The following BABAM2 variants were observed in gnomAD, a reference collection of about 807,000 sequenced individuals.
BABAM2 encodes BRISC and BRCA1 A complex member 2, also known as BRISC and BRCA1-A complex member 2.
In BABAM2, 31 loss-of-function variants were observed where a neutral mutation model predicts 54.7. The observed-to-expected ratio is 0.57, with a 90% confidence interval of 0.43 to 0.77. The LOEUF is 0.77. Ranked by LOEUF, BABAM2 falls within the 30% of genes least tolerant of loss-of-function variation. The probability of loss-of-function intolerance (pLI) is 0.00; values close to 1 mark genes in which losing one functional copy is unlikely to be tolerated. For missense variants in BABAM2, 364 were observed against 455.8 expected (o/e 0.80, Z 1.83); for synonymous variants, 167 against 162.9 (o/e 1.03, Z -0.19).
In BABAM2 at chr2:28,304,005, T is replaced by C. The variant is rs893323117; in HGVS notation, c.1088+5514T>C. 6.6e-6 allele frequency among the ~76,000 whole-genome samples: 1 copy of C among 152,128 alleles called. No individual in the cohort carries two copies. The highest frequency in any genetic ancestry group is 2.4e-5 in the African/African-American group (1 of 41,428). ...AAAAGATTCTTGTGCCTCAGCCTCC[T>C]GAGTACCCAGGACTACAGACGTGTG... On this transcript the variant is annotated intron_variant, in intron 11 of 11. Transcript: ENST00000379624. This position sits in a 1 kb window ranked among gnomAD's most constrained non-coding sequence, Gnocchi z 4.0.
intron 7 of BABAM2, among the ~76,000 whole-genome samples, chr2:28,214,887 CA>C (rs1679793246): frequency 1.3e-5 from 2 of 152,064 alleles, no homozygotes; most frequent in South Asian, 4.1e-4. Flanking sequence ...TTGCCCTCCC[CA>C]AGCACTCCTT....
intron 6 of BABAM2, among the ~76,000 whole-genome samples, chr2:28,121,168 C>G (rs955795787): frequency 1.3e-5 from 2 of 152,192 alleles, no homozygotes; most frequent in African/African-American, 4.8e-5. Flanking sequence ...CAACATCCTC[C>G]TTCATGGAGT....
chr2:28,027,444 C>T (rs774874927), intron 5 of BABAM2, among the ~76,000 whole-genome samples: 1 of 152,210 alleles, frequency 6.6e-6, no homozygotes, highest in Admixed American at 6.5e-5. Flanking sequence ...CCAGTGAGAT[C>T]CCTCATGTCC....
intron 7 of BABAM2, among the ~76,000 whole-genome samples, chr2:28,147,938 C>T (rs1329507668): frequency 1.3e-5 from 2 of 152,124 alleles, no homozygotes; most frequent in African/African-American, 4.8e-5. Flanking sequence ...AATATACCTC[C>T]CTACATTTCA....
At chr2:28,278,512 G>T (rs1224429360) in intron 10 of BABAM2, among the ~76,000 whole-genome samples, 1 of 152,206 alleles carries the variant, frequency 6.6e-6, no homozygotes, top group African/African-American at 2.4e-5. Flanking sequence ...TAAGGAAAGA[G>T]TGGAAATTTT....
intron 2 of BABAM2, among the ~76,000 whole-genome samples, chr2:27,898,605 C>T (rs1277194327): frequency 1.3e-5 from 2 of 152,060 alleles, no homozygotes; most frequent in Non-Finnish European, 2.9e-5. Flanking sequence ...TATTATTTAA[C>T]CATAAAAAGT....
rs533914736 is a variant in BABAM2, at chr2:28,206,925, A to G, written c.681-30277A>G. Among the ~76,000 whole-genome samples, 15 of 152,358 alleles carry G rather than the reference A, an allele frequency of 9.8e-5. 2 individuals carry two copies. The South Asian group carries it at 2.9e-3, about 29-fold the overall frequency. ...TGCTATTATGAAGGAGGAGAGGGAAAGAATAGCATCTGACATTCTTTGAGT... is the reference window on the plus strand; with the variant it reads ...TGCTATTATGAAGGAGGAGAGGGAAGGAATAGCATCTGACATTCTTTGAGT... On this transcript the variant is annotated intron_variant, in intron 7 of 11. Transcript: ENST00000379624.
chr2:28,203,197 T>G (rs1398348005), intron 7 of BABAM2, among the ~76,000 whole-genome samples: 1 of 152,222 alleles, frequency 6.6e-6, no homozygotes, highest in Non-Finnish European at 1.5e-5. Flanking sequence ...GGATCTGGGT[T>G]TCTCATTTCA....
intron 7 of BABAM2, among the ~76,000 whole-genome samples, chr2:28,144,622 T>C (rs1410296065): frequency 6.6e-6 from 1 of 152,182 alleles, no homozygotes; most frequent in East Asian, 1.9e-4. Flanking sequence ...CTAAAGTTTT[T>C]ATTGAGATAG....
At chr2:27,910,422 G>A (rs1295143852) in intron 2 of BABAM2, among the ~76,000 whole-genome samples, 3 of 152,086 alleles carry the variant, frequency 2.0e-5, no homozygotes, top group East Asian at 3.9e-4. Context: ...ACTTTTTATT[G>A]AGGTATAGTA....
chr2:27,925,855 G>A lies in BABAM2; in HGVS notation c.129-3977G>A, dbSNP rs115105528. Reference sequence around the variant, plus strand: ...TTATCTGCCAGGTGGGCTACACTCTGCTCAACTCCCACATCACAGAACACT... The same window carrying A: ...TTATCTGCCAGGTGGGCTACACTCTACTCAACTCCCACATCACAGAACACT... On this transcript the variant is annotated intron_variant, in intron 2 of 11. Transcript: ENST00000379624. Among the ~76,000 whole-genome samples, 1,340 of 152,242 alleles carry A rather than the reference G, an allele frequency of 8.8e-3. 29 individuals carry two copies. The highest frequency in any genetic ancestry group is 0.03 in the African/African-American group (1,249 of 41,534).
intron 10 of BABAM2, among the ~76,000 whole-genome samples, chr2:28,277,481 A>G (rs899600526): frequency 1.3e-5 from 2 of 152,214 alleles, no homozygotes; most frequent in Non-Finnish European, 2.9e-5. Flanking sequence ...TTCATAACCA[A>G]CAAAGGATTT....
chr2:27,963,190 C>A (rs1352584626), intron 3 of BABAM2, among the ~76,000 whole-genome samples: 1 of 152,090 alleles, frequency 6.6e-6, no homozygotes, highest in Non-Finnish European at 1.5e-5. Flanking sequence ...GAAGGAGAGG[C>A]CAGGCAAGGT....
At chr2:27,935,530 T>C (rs1254520993) in intron 3 of BABAM2, among the ~76,000 whole-genome samples, 1 of 152,240 alleles carries the variant, frequency 6.6e-6, no homozygotes, top group Non-Finnish European at 1.5e-5. Context: ...CTGGTTAAGA[T>C]GCTATGAACA....
intron 10 of BABAM2, among the ~76,000 whole-genome samples, chr2:28,284,236 C>T (rs186575475): frequency 9.9e-5 from 15 of 152,192 alleles, no homozygotes; most frequent in African/African-American, 3.6e-4. Flanking sequence ...ACATTAATTT[C>T]CATTCCCCTG....
At chr2:28,289,685 G>C (rs1373909891) in intron 10 of BABAM2, among the ~76,000 whole-genome samples, 1 of 152,156 alleles carries the variant, frequency 6.6e-6, no homozygotes, top group African/African-American at 2.4e-5. Context: ...CAGCTACTTG[G>C]GAGTTTGAGG....
At chr2:28,127,837 C>T (rs1312466707) in intron 6 of BABAM2, among the ~76,000 whole-genome samples, 6 of 145,318 alleles carry the variant, frequency 4.1e-5, no homozygotes, top group Admixed American at 2.8e-4. Flanking sequence ...GGTGGAGTCT[C>T]GCTCTGTTGC....
At chr2:28,188,946 A>T (rs1676607511) in intron 7 of BABAM2, among the ~76,000 whole-genome samples, 1 of 152,220 alleles carries the variant, frequency 6.6e-6, no homozygotes, top group Non-Finnish European at 1.5e-5. Flanking sequence ...CACGCCTGTA[A>T]TCCCAACACT....
intron 3 of BABAM2, among the ~76,000 whole-genome samples, chr2:27,936,671 C>T (rs1406878923): frequency 6.6e-6 from 1 of 152,078 alleles, no homozygotes; most frequent in Non-Finnish European, 1.5e-5. Flanking sequence ...AACTGGAAAT[C>T]ATCATTCTCA....
Sources: allele counts gnomAD v4.1 joint callset (sites outside exome capture counted in the v4.1 genomes callset), GRCh38; gene constraint gnomAD v4.1.1; non-coding constraint Gnocchi (gnomAD v3.1); transcripts MANE v1.5; gene names NCBI Gene and HGNC (gene_info 2026-07-23, HGNC 2026-07-21).